The following HECW2 variants were observed in gnomAD, a reference collection of about 807,000 sequenced individuals.
HECW2 encodes the protein HECT, C2 and WW domain containing E3 ubiquitin protein ligase 2.
HECW2 carries 61 observed loss-of-function variants against 175.2 expected under a neutral mutation model. The ratio of observed to expected loss-of-function variants is 0.35; its 90% CI spans 0.28 to 0.43. The LOEUF (loss-of-function observed/expected upper bound fraction) is 0.43, where lower values mean the gene tolerates loss of function less well. Among genes scored for constraint, HECW2 ranks in the 20% least tolerant of loss-of-function variants. The pLI is 1.00. For synonymous variants in HECW2, 671 were observed against 731.0 expected, an observed-to-expected ratio of 0.92 and a Z score of 1.32; for missense variants, 1,524 against 2,000.5, an observed-to-expected ratio of 0.76 and a Z score of 4.54.
At chr2:196,358,122 G>T (rs1266720194) in intron 2 of HECW2, among the ~76,000 whole-genome samples, 1 of 152,084 alleles carries the variant, frequency 6.6e-6, no homozygotes, top group Non-Finnish European at 1.5e-5. Context: ...CCATTCGCTG[G>T]ATTTATGACC....
intron 1 of HECW2, among the ~76,000 whole-genome samples, chr2:196,591,212 T>C (rs1338226767): frequency 6.6e-6 from 1 of 152,168 alleles, no homozygotes. Context: ...AGCGAATGTC[T>C]TAGACTGGGA....
chr2:196,392,980 G>A (rs541492955), intron 2 of HECW2, among the ~76,000 whole-genome samples: 1 of 152,290 alleles, frequency 6.6e-6, no homozygotes, highest in African/African-American at 2.4e-5. Context: ...GAACAGAACA[G>A]AGCCCTCAGA....
rs185941379 is a variant in HECW2, at chr2:196,257,778, A to C, written c.3419+45T>G. 5.6e-5 allele frequency: 73 copies of C among 1,305,704 alleles called. No individual in the cohort carries two copies. In the Admixed American group the frequency reaches 9.5e-4, roughly 17 times the overall value. 80.9% of individuals were successfully genotyped at this position (1,305,704 alleles called of 1,614,324 possible). A position where few individuals can be genotyped will look rare whatever the true frequency, so the allele number is the denominator to read the frequency against. On this transcript the variant is annotated intron_variant, in intron 18 of 28. Coordinates refer to ENST00000644978, the MANE Select transcript of HECW2 (RefSeq NM_001348768.2). ...TTTCTACAATGTTCCATGATATCTG[A>C]TGACAAGAGACCTTCTGCTTCAAGA...
At position 196,557,065 on chromosome 2, in the gene HECW2, A is replaced by C. The variant is rs535937734; in HGVS notation, c.-36+36443T>G. ...AGAAAATATTTAAGTTTTACATAAA[A>C]ATGGTATTTTTTAACCCATTAAATT... On this transcript the variant is annotated intron_variant, in intron 1 of 28. Coordinates refer to ENST00000644978, the MANE Select transcript of HECW2 (RefSeq NM_001348768.2). Among the ~76,000 whole-genome samples the C allele has an allele frequency of 2.6e-5, 4 of 152,284 alleles. No homozygotes were observed. In the East Asian group the frequency reaches 7.7e-4, roughly 29 times the overall value.
intron 1 of HECW2, among the ~76,000 whole-genome samples, chr2:196,560,620 TG>T (rs1390075363): frequency 6.6e-6 from 1 of 152,228 alleles, no homozygotes; most frequent in Non-Finnish European, 1.5e-5. Context: ...TGATACAATG[TG>T]TCCAGAAAAT....
At chr2:196,469,120 C>CAT (rs1553520732) in intron 1 of HECW2, among the ~76,000 whole-genome samples, 8 of 144,828 alleles carry the variant, frequency 5.5e-5, no homozygotes, top group Non-Finnish European at 4.5e-5. Context: ...TGTGTGTGTG[C>CAT]GTGTGTGTGT....
At chr2:196,250,080 C>A (rs749780233) in intron 19 of HECW2, among the ~76,000 whole-genome samples, 4 of 152,072 alleles carry the variant, frequency 2.6e-5, no homozygotes, top group Non-Finnish European at 5.9e-5. Context: ...TTAAAGAGCA[C>A]GGAAGGGGCA....
intron 1 of HECW2, among the ~76,000 whole-genome samples, chr2:196,470,088 C>T (rs897859120): frequency 1.3e-4 from 20 of 151,912 alleles, no homozygotes; most frequent in Non-Finnish European, 2.4e-4. Flanking sequence ...GAAAAAAATT[C>T]GCATAAGCAA....
intron 21 of HECW2, among the ~76,000 whole-genome samples, chr2:196,230,137 A>G (rs562312023): frequency 1.3e-5 from 2 of 152,276 alleles, no homozygotes; most frequent in African/African-American, 4.8e-5. Context: ...GGTGGCTCCC[A>G]GGATCGGTGG....
chr2:196,272,427 T>C (rs1689773807), intron 16 of HECW2, among the ~76,000 whole-genome samples: 1 of 152,248 alleles, frequency 6.6e-6, no homozygotes, highest in Non-Finnish European at 1.5e-5. Context: ...CTTGATTATA[T>C]TTGTTGATAA....
chr2:196,431,951 G>A (rs1695725643), intron 2 of HECW2, among the ~76,000 whole-genome samples: 2 of 152,180 alleles, frequency 1.3e-5, no homozygotes, highest in African/African-American at 4.8e-5. Flanking sequence ...ATAAATTTCA[G>A]TGGCTTTAAC....
At chr2:196,344,267 C>G (rs1386000885) in intron 2 of HECW2, among the ~76,000 whole-genome samples, 1 of 130,114 alleles carries the variant, frequency 7.7e-6, no homozygotes, top group African/African-American at 2.9e-5. Context: ...TTCATCACAT[C>G]TGTCAGGACA....
intron 19 of HECW2, among the ~76,000 whole-genome samples, chr2:196,253,404 C>T (rs1575299845): frequency 1.3e-5 from 2 of 152,202 alleles, no homozygotes; most frequent in South Asian, 4.1e-4. Flanking sequence ...TTCATTCAGG[C>T]CTATCTCTTT....
At chr2:196,580,171 G>C (rs994895025) in intron 1 of HECW2, among the ~76,000 whole-genome samples, 4 of 152,138 alleles carry the variant, frequency 2.6e-5, no homozygotes, top group African/African-American at 9.7e-5. Flanking sequence ...CAACAAGGCA[G>C]CAAAATACAT....
At chr2:196,380,727 C>A (rs570463425) in intron 2 of HECW2, among the ~76,000 whole-genome samples, 1 of 152,218 alleles carries the variant, frequency 6.6e-6, no homozygotes, top group South Asian at 2.1e-4. Context: ...CCGTTAGTGG[C>A]TCGTAAGGTG....
intron 1 of HECW2, among the ~76,000 whole-genome samples, chr2:196,464,506 T>C (rs889986458): frequency 6.6e-6 from 1 of 152,154 alleles, no homozygotes; most frequent in African/African-American, 2.4e-5. Flanking sequence ...CTTTCTACTA[T>C]ATACCAAATA....
At chr2:196,457,140 C>T (rs1696544009) in intron 1 of HECW2, among the ~76,000 whole-genome samples, 2 of 152,170 alleles carry the variant, frequency 1.3e-5, no homozygotes, top group South Asian at 4.1e-4. Context: ...ATATGTTGAG[C>T]TGCTGATACG....
chr2:196,509,798 G>T (rs1475461648), intron 1 of HECW2, among the ~76,000 whole-genome samples: 1 of 152,162 alleles, frequency 6.6e-6, no homozygotes, highest in Non-Finnish European at 1.5e-5. Flanking sequence ...TCCAGGGTGA[G>T]GCCACTCAAG....
intron 1 of HECW2, among the ~76,000 whole-genome samples, chr2:196,564,457 T>A (rs1350220434): frequency 6.6e-6 from 1 of 152,164 alleles, no homozygotes; most frequent in Non-Finnish European, 1.5e-5. Flanking sequence ...ATGTCCTTAT[T>A]CTCAGGAAGT....
Sources: gnomAD v4.1 joint callset for allele counts (sites outside exome capture counted in the v4.1 genomes callset) on GRCh38, gnomAD v4.1.1 for gene constraint, MANE v1.5 for transcripts, NCBI Gene and HGNC (gene_info 2026-07-23, HGNC 2026-07-21) for gene names.